Variants in SLC25A26 observed in about 807,000 individuals in gnomAD.
SLC25A26 encodes mitochondrial S-adenosylmethionine carrier protein.
Under a neutral mutation model 37.8 loss-of-function variants are expected in SLC25A26, and 36 were observed. The observed-to-expected ratio is 0.95, with a 90% CI of 0.73 to 1.26. SLC25A26 has a LOEUF of 1.26. Ranked by LOEUF, SLC25A26 falls within the 50% of genes most tolerant of loss-of-function variation. The pLI is 0.00. For missense variants in SLC25A26, 390 were observed against 331.1 expected (o/e 1.18, Z -1.38); for synonymous variants, 129 against 122.5 (o/e 1.05, Z -0.35).
chr3:66,319,382 T>C (rs1364184363), intron 5 of SLC25A26, among the ~76,000 whole-genome samples: 4 of 152,188 alleles, frequency 2.6e-5, no homozygotes, highest in African/African-American at 9.7e-5. Context: ...ACCATACTAG[T>C]ATATAATGCA....
At chr3:66,182,077 G>A (rs1206286495) in intron 1 of SLC25A26, among the ~76,000 whole-genome samples, 2 of 152,080 alleles carry the variant, frequency 1.3e-5, no homozygotes, top group Non-Finnish European at 2.9e-5. Context: ...TTTCTTATCT[G>A]AAAACTGACA....
At chr3:66,184,585 C>CTGCTCATCTTGAGTTTACTATGTATTACA (rs2070779587) in intron 1 of SLC25A26, among the ~76,000 whole-genome samples, 1 of 128,136 alleles carries the variant, frequency 7.8e-6, no homozygotes, top group Non-Finnish European at 1.7e-5. Flanking sequence ...TCACCTGACT[C>CTGCTCATCTTGAGTTTACTATGTATTACA]TGCTCACCTT....
chr3:66,219,490 T>C (rs1313058183), upstream of SLC25A26, among the ~76,000 whole-genome samples: 1 of 152,244 alleles, frequency 6.6e-6, no homozygotes. Context: ...AAGACATTAA[T>C]AGCAGCAACA....
chr3:66,357,796 A>T (rs879272881), intron 6 of SLC25A26, among the ~76,000 whole-genome samples: 31 of 152,110 alleles, frequency 2.0e-4, no homozygotes, highest in Admixed American at 2.0e-3. Flanking sequence ...GTGTATTATG[A>T]TGTAGTTCGA....
chr3:66,283,065 G>A (rs948906658), intron 5 of SLC25A26, among the ~76,000 whole-genome samples: 3 of 152,076 alleles, frequency 2.0e-5, no homozygotes, highest in African/African-American at 2.4e-5. Flanking sequence ...TTGTTAGGAC[G>A]TATAGTGGAA....
At chr3:66,316,708 G>A (rs2075550401) in intron 5 of SLC25A26, among the ~76,000 whole-genome samples, 1 of 152,166 alleles carries the variant, frequency 6.6e-6, no homozygotes, top group South Asian at 2.1e-4. Context: ...ACCCTGAAGT[G>A]TGTTTTCCAA....
intron 9 of SLC25A26, 74 bp from the exon 10 acceptor site, chr3:66,377,616 G>A: frequency 1.7e-6 from 2 of 1,199,658 alleles, no homozygotes; most frequent in Non-Finnish European, 1.2e-6. Flanking sequence ...ATTGAGCTGA[G>A]CAAGCTGTGG....
At position 66,262,134 on chromosome 3, in the gene SLC25A26, C is replaced by T; in HGVS notation, c.384C>T (p.Phe128=). 3.2e-6 allele frequency: 5 copies of T among 1,561,864 alleles called. No homozygotes were observed. Among genetic ancestry groups the T allele is most frequent in the Non-Finnish European group, 4.3e-6 (5 of 1,149,900 alleles). Reference sequence around the variant, plus strand: ...CTTCTACAAGAACATTTCAGATTTTCTCTAACATCTTATATGAAGAGGTGA... The same window carrying T: ...CTTCTACAAGAACATTTCAGATTTTTTCTAACATCTTATATGAAGAGGTGA... ...VSASTRTFQI[F]SNILYEEGIQ... Residue 128 remains phenylalanine (F), a synonymous_variant, in exon 4 of 10, where the codon TTC becomes TTT. Coordinates refer to ENST00000354883, the MANE Select transcript of SLC25A26 (RefSeq NM_001379210.1).
intron 1 of SLC25A26, among the ~76,000 whole-genome samples, chr3:66,138,499 G>A (rs1028770431): frequency 1.1e-4 from 17 of 150,654 alleles, no homozygotes; most frequent in African/African-American, 3.9e-4. Context: ...AATCCATCCA[G>A]CATGATTTTT....
Position 66,145,408 on chromosome 3 carries a change from T to C in SLC25A26, c.-354+11424T>C, listed in dbSNP as rs150199337. On this transcript the variant is annotated intron_variant, in intron 1 of 10. Transcript: ENST00000676754. The stretch of plus-strand genomic sequence containing the variant: ...CAGGTTCTAAAGTGGCCTTCAAATT[T>C]ATTGCATTTGTGGAAGTACCAACTG... Among the ~76,000 whole-genome samples, 13 of 152,336 alleles carry C rather than the reference T, an allele frequency of 8.5e-5. No individual in the cohort carries two copies. In the East Asian group the frequency reaches 9.6e-4, roughly 11 times the overall value.
At chr3:66,270,977 T>C (rs772630685) in intron 5 of SLC25A26, among the ~76,000 whole-genome samples, 1 of 152,202 alleles carries the variant, frequency 6.6e-6, no homozygotes, top group African/African-American at 2.4e-5. Context: ...ATGTTGGCCA[T>C]GTTGTCCTGA....
chr3:66,198,592 C>T (rs1310157173), intron 1 of SLC25A26, among the ~76,000 whole-genome samples: 1 of 151,764 alleles, frequency 6.6e-6, no homozygotes, highest in Admixed American at 6.6e-5. Flanking sequence ...CTCTACATTA[C>T]TCTCACCCAG....
chr3:66,234,134 C>T (rs1429224070), intron 1 of SLC25A26, among the ~76,000 whole-genome samples: 5 of 152,112 alleles, frequency 3.3e-5, no homozygotes, highest in South Asian at 4.1e-4. Flanking sequence ...CAGGCAGGAG[C>T]GTGGTGGCTA....
intron 5 of SLC25A26, among the ~76,000 whole-genome samples, chr3:66,315,313 T>TA (rs2075506572): frequency 6.6e-6 from 1 of 152,210 alleles, no homozygotes; most frequent in Non-Finnish European, 1.5e-5. Flanking sequence ...GAGATTCTGA[T>TA]ACGTTGTTTC....
upstream of SLC25A26, among the ~76,000 whole-genome samples, chr3:66,217,976 T>C (rs2071386612): frequency 1.3e-5 from 2 of 152,254 alleles, no homozygotes; most frequent in African/African-American, 4.8e-5. Flanking sequence ...TTGCAAACTA[T>C]TGTTTTGTGC....
chr3:66,217,229 A>G (rs1158405180), upstream of SLC25A26, among the ~76,000 whole-genome samples: 4 of 152,238 alleles, frequency 2.6e-5, no homozygotes, highest in Non-Finnish European at 4.4e-5. Flanking sequence ...AATTAAAGGT[A>G]TAAGTCTAGG....
At chr3:66,155,572 A>T (rs555876668) in intron 1 of SLC25A26, among the ~76,000 whole-genome samples, 8 of 152,204 alleles carry the variant, frequency 5.3e-5, no homozygotes, top group South Asian at 2.1e-4. Context: ...CAAGTCAGCA[A>T]ATATTTTGAG....
At chr3:66,184,074 C>A (rs1026051002) in intron 1 of SLC25A26, among the ~76,000 whole-genome samples, 1 of 152,068 alleles carries the variant, frequency 6.6e-6, no homozygotes, top group East Asian at 1.9e-4. Flanking sequence ...TAAACTTTAA[C>A]CTTCAGAAGA....
At chr3:66,336,132 TA>T (rs1318869506) in intron 5 of SLC25A26, among the ~76,000 whole-genome samples, 1 of 152,232 alleles carries the variant, frequency 6.6e-6, no homozygotes, top group African/African-American at 2.4e-5. Context: ...TTTAAAATGT[TA>T]TTTTTTAGAA....
Sources: allele counts gnomAD v4.1 joint callset (sites outside exome capture counted in the v4.1 genomes callset), GRCh38; gene constraint gnomAD v4.1.1; transcripts MANE v1.5; gene names NCBI Gene and HGNC (gene_info 2026-07-23, HGNC 2026-07-21).